The following KLHL1 variants were observed in gnomAD, a reference collection of about 807,000 sequenced individuals.
KLHL1 encodes kelch-like protein 1.
KLHL1 carries 47 observed loss-of-function variants against 77.7 expected under a neutral mutation model. The observed-to-expected ratio is 0.60, with a 90% CI of 0.48 to 0.77. KLHL1 has a LOEUF of 0.77. Among genes scored for constraint, KLHL1 ranks in the 30% least tolerant of loss-of-function variants. The pLI, the probability that KLHL1 is intolerant of heterozygous loss-of-function variation, is 0.00. For synonymous variants in KLHL1, 360 were observed against 325.2 expected (o/e 1.11, Z -1.15); for missense variants, 925 against 910.8 (o/e 1.02, Z -0.20).
chr13:70,072,287 T>TA (rs1887155059), intron 1 of KLHL1, among the ~76,000 whole-genome samples: 1 of 152,088 alleles, frequency 6.6e-6, no homozygotes. Context: ...ATAAATTGAA[T>TA]AAAAAACTAA....
intron 2 of KLHL1, among the ~76,000 whole-genome samples, chr13:69,966,867 G>T (rs1242590622): frequency 6.6e-6 from 1 of 152,010 alleles, no homozygotes; most frequent in African/African-American, 2.4e-5. Flanking sequence ...TATGACATTT[G>T]TCTTTCTGTG....
At chr13:70,057,856 T>C (rs1289342658) in intron 1 of KLHL1, among the ~76,000 whole-genome samples, 1 of 151,602 alleles carries the variant, frequency 6.6e-6, no homozygotes, top group Non-Finnish European at 1.5e-5. Context: ...TGATGAATAT[T>C]GATGCAAAAA....
intron 7 of KLHL1, among the ~76,000 whole-genome samples, chr13:69,786,034 G>A (rs1341580702): frequency 2.0e-5 from 3 of 152,058 alleles, no homozygotes; most frequent in Non-Finnish European, 2.9e-5. Flanking sequence ...CCCCCAAAAA[G>A]AGTCCAGGAC....
At chr13:70,002,584 C>T (rs1885320671) in intron 1 of KLHL1, among the ~76,000 whole-genome samples, 1 of 151,560 alleles carries the variant, frequency 6.6e-6, no homozygotes, top group Non-Finnish European at 1.5e-5. Context: ...TTAACTTATA[C>T]TTTAATCTAC....
chr13:69,945,353 A>G (rs1348020790), intron 3 of KLHL1, among the ~76,000 whole-genome samples: 1 of 151,968 alleles, frequency 6.6e-6, no homozygotes, highest in Non-Finnish European at 1.5e-5. Flanking sequence ...CTCAAAGAAC[A>G]AATGGAGAAA....
chr13:70,069,882 GA>G (rs1887099273), intron 1 of KLHL1, among the ~76,000 whole-genome samples: 1 of 151,504 alleles, frequency 6.6e-6, no homozygotes, highest in South Asian at 2.1e-4. Context: ...GAAAGAAGCA[GA>G]TGAGGCCGGG....
chr13:70,064,638 C>T (rs1757035418), intron 1 of KLHL1, among the ~76,000 whole-genome samples: 1 of 152,104 alleles, frequency 6.6e-6, no homozygotes, highest in Non-Finnish European at 1.5e-5. Context: ...CTATTGCCTA[C>T]CGTTGTAGTT....
At chr13:69,928,901 A>G (rs1460613982) in intron 4 of KLHL1, among the ~76,000 whole-genome samples, 1 of 152,140 alleles carries the variant, frequency 6.6e-6, no homozygotes, top group Non-Finnish European at 1.5e-5. Context: ...GGTGAATTGT[A>G]TGGTATATAA....
At chr13:69,793,498 G>T (rs201851170) in intron 7 of KLHL1, among the ~76,000 whole-genome samples, 17 of 150,236 alleles carry the variant, frequency 1.1e-4, no homozygotes, top group East Asian at 3.9e-4. Flanking sequence ...AATCATGTAA[G>T]TTTTTTTTTT....
chr13:69,976,421 T>C (rs1332675972), intron 1 of KLHL1, among the ~76,000 whole-genome samples: 1 of 152,072 alleles, frequency 6.6e-6, no homozygotes, highest in Non-Finnish European at 1.5e-5. Context: ...TAATAAACTT[T>C]ATGATTTTGG....
chr13:69,815,997 A>G (rs577089772), intron 6 of KLHL1, among the ~76,000 whole-genome samples: 2 of 152,066 alleles, frequency 1.3e-5, no homozygotes, highest in Non-Finnish European at 2.9e-5. Context: ...ATTAATCAAG[A>G]GGAAAAATAG....
chr13:69,730,689 A>C lies in KLHL1; in HGVS notation c.1802+9705T>G, dbSNP rs543400164. Among the ~76,000 whole-genome samples, 11 of 151,994 alleles carry C rather than the reference A, an allele frequency of 7.2e-5. No individual in the cohort carries two copies. The South Asian group carries it at 2.3e-3, about 32-fold the overall frequency. ...CTGATTCAAGTAATCCTCTCACCTC[A>C]GCCCCTCAGCCTCTTAAGTAGCTTT... On this transcript the variant is annotated intron_variant, in intron 8 of 10. Coordinates refer to ENST00000377844, the MANE Select transcript of KLHL1 (RefSeq NM_020866.3).
chr13:69,749,828 AATT>A (rs1240019778), intron 7 of KLHL1, among the ~76,000 whole-genome samples: 3 of 151,950 alleles, frequency 2.0e-5, no homozygotes, highest in African/African-American at 2.4e-5. Flanking sequence ...CTGAAAAAGA[AATT>A]ATTATTTTTC....
At chr13:69,814,469 C>T (rs1439836257) in intron 6 of KLHL1, among the ~76,000 whole-genome samples, 1 of 152,032 alleles carries the variant, frequency 6.6e-6, no homozygotes, top group African/African-American at 2.4e-5. Flanking sequence ...AGACAACCTA[C>T]AAAATGGAGA....
chr13:70,062,404 A>G (rs1408750478), intron 1 of KLHL1, among the ~76,000 whole-genome samples: 1 of 152,196 alleles, frequency 6.6e-6, no homozygotes, highest in African/African-American at 2.4e-5. Context: ...TAAATTATTT[A>G]TGGTGCATAA....
At chr13:70,036,950 G>T (rs1239523550) in intron 1 of KLHL1, among the ~76,000 whole-genome samples, 2 of 140,890 alleles carry the variant, frequency 1.4e-5, no homozygotes. Flanking sequence ...AAATTATAAA[G>T]TTAATCGAGA....
chr13:69,955,140 T>C (rs1410385030), intron 3 of KLHL1, among the ~76,000 whole-genome samples: 2 of 151,260 alleles, frequency 1.3e-5, no homozygotes, highest in African/African-American at 4.8e-5. Context: ...GCCACTTGAA[T>C]TAAACCAGTA....
At position 69,873,983 on chromosome 13, in the gene KLHL1, C is replaced by T. The variant is rs146255439; in HGVS notation, c.1227+8300G>A. ...AGAACAGTAAACATTTAAGCTGAAA[C>T]GTGATTAATAAAAAGACTTAGTCAT... On this transcript the variant is annotated intron_variant, in intron 5 of 10. Transcript: ENST00000377844. Among the ~76,000 whole-genome samples, 21 of 152,106 alleles carry T rather than the reference C, an allele frequency of 1.4e-4. No homozygotes were observed. The East Asian group carries it at 3.5e-3, about 25-fold the overall frequency.
intron 3 of KLHL1, among the ~76,000 whole-genome samples, chr13:69,948,298 A>G (rs1053795105): frequency 6.6e-6 from 1 of 152,020 alleles, no homozygotes; most frequent in East Asian, 1.9e-4. Flanking sequence ...TTCTTTATGT[A>G]TATATCTCTT....
Sources: allele counts gnomAD v4.1 joint callset (sites outside exome capture counted in the v4.1 genomes callset), GRCh38; gene constraint gnomAD v4.1.1; transcripts MANE v1.5; gene names NCBI Gene and HGNC (gene_info 2026-07-23, HGNC 2026-07-21).